The following SHANK2 variants were observed in gnomAD, a reference collection of about 807,000 sequenced individuals.
SHANK2 encodes SH3 and multiple ankyrin repeat domains protein 2.
Under a neutral mutation model 133.7 loss-of-function variants are expected in SHANK2, and 43 were observed. That is an observed-to-expected ratio of 0.32 (90% CI 0.25 to 0.41). SHANK2 has a LOEUF of 0.41. Ranked by LOEUF, SHANK2 falls within the 10% of genes least tolerant of loss-of-function variation. The probability of loss-of-function intolerance (pLI) is 1.00; values close to 1 mark genes in which losing one functional copy is unlikely to be tolerated. For synonymous variants in SHANK2, 1,017 were observed against 952.8 expected (o/e 1.07, Z -1.24); for missense variants, 1,994 against 2,235.8 (o/e 0.89, Z 2.18).
At chr11:70,880,601 A>G (rs1949644695) in intron 11 of SHANK2, among the ~76,000 whole-genome samples, 1 of 152,222 alleles carries the variant, frequency 6.6e-6, no homozygotes, top group Non-Finnish European at 1.5e-5. Flanking sequence ...CCCATGGAAC[A>G]CAGAAGTCAA....
chr11:70,719,743 C>A (rs547210093), intron 14 of SHANK2, among the ~76,000 whole-genome samples: 2 of 151,574 alleles, frequency 1.3e-5, no homozygotes, highest in Non-Finnish European at 2.9e-5. Flanking sequence ...TCCACAACAG[C>A]CCCGCGCTCC....
At chr11:70,484,740 CT>C (rs2058777702) in intron 25 of SHANK2, among the ~76,000 whole-genome samples, 1 of 152,196 alleles carries the variant, frequency 6.6e-6, no homozygotes, top group South Asian at 2.1e-4. Context: ...GCTTCTGCCC[CT>C]GGGACAGGAT....
chr11:70,847,075 C>T lies in SHANK2; in HGVS notation c.1175-26393G>A, dbSNP rs147853686. Reference sequence around the variant, plus strand: ...TCACTTTACAGAGGAGAGGTGGAGGCCCCCATCAAGAGGAGGGGACCTCTG... The same window carrying T: ...TCACTTTACAGAGGAGAGGTGGAGGTCCCCATCAAGAGGAGGGGACCTCTG... On this transcript the variant is annotated intron_variant, in intron 11 of 25. Transcript: ENST00000601538. Among the ~76,000 whole-genome samples, 140 of 152,336 alleles carry T rather than the reference C, an allele frequency of 9.2e-4. 2 individuals are homozygous for T. The highest frequency in any genetic ancestry group is 4.6e-3 in the Admixed American group (71 of 15,312).
At chr11:70,509,983 T>A (rs1243589709) in intron 17 of SHANK2, among the ~76,000 whole-genome samples, 1 of 152,216 alleles carries the variant, frequency 6.6e-6, no homozygotes, top group African/African-American at 2.4e-5. Context: ...ACCATAGCTG[T>A]GCTTACTTAC....
chr11:71,174,123 T>C (rs4304805), intron 2 of SHANK2, among the ~76,000 whole-genome samples: 107,732 of 152,162 alleles, frequency 0.71, 39,152 homozygotes, highest in East Asian at 0.95. Flanking sequence ...GGATGATATG[T>C]ACGCTTCAAG....
At chr11:71,230,386 G>C (rs368525314) in intron 1 of SHANK2, among the ~76,000 whole-genome samples, 1 of 151,946 alleles carries the variant, frequency 6.6e-6, no homozygotes, top group Non-Finnish European at 1.5e-5. Flanking sequence ...TCAAGACCAC[G>C]GTGAAACCCC....
intron 17 of SHANK2, among the ~76,000 whole-genome samples, chr11:70,553,631 G>C (rs1358608701): frequency 1.3e-5 from 2 of 152,190 alleles, no homozygotes; most frequent in African/African-American, 4.8e-5. Flanking sequence ...TCAGGGTCAG[G>C]AGCCTGGCAC....
chr11:70,863,180 G>T, intron 11 of SHANK2: 1 of 370,926 alleles, frequency 2.7e-6, no homozygotes, highest in South Asian at 2.0e-5. Flanking sequence ...GACAGCAGGT[G>T]AGAGAGGTCC....
chr11:71,148,913 A>T (rs1221371527), intron 2 of SHANK2, among the ~76,000 whole-genome samples: 2 of 152,168 alleles, frequency 1.3e-5, no homozygotes, highest in African/African-American at 4.8e-5. Flanking sequence ...GCACAGAAGC[A>T]GTCAACTGGA....
chr11:70,695,178 G>A (rs539400206), intron 15 of SHANK2, among the ~76,000 whole-genome samples: 63 of 152,112 alleles, frequency 4.1e-4, no homozygotes, highest in Non-Finnish European at 7.6e-4. Flanking sequence ...GGGAGTTTGC[G>A]TTAATGCAGA....
At chr11:70,659,156 C>T (rs2061448652) in intron 17 of SHANK2, among the ~76,000 whole-genome samples, 2 of 152,266 alleles carry the variant, frequency 1.3e-5, no homozygotes, top group Admixed American at 6.5e-5. Flanking sequence ...ACGTGCCAAC[C>T]GTAGGGACTG....
chr11:70,599,417 C>T (rs577558073), intron 17 of SHANK2, among the ~76,000 whole-genome samples: 11,875 of 124,082 alleles, frequency 0.096, 756 homozygotes, highest in East Asian at 0.22. Flanking sequence ...ACCATCCTGG[C>T]TAACACGGTG....
intron 10 of SHANK2, among the ~76,000 whole-genome samples, chr11:70,941,762 G>A (rs1950651327): frequency 6.6e-6 from 1 of 152,142 alleles, no homozygotes; most frequent in Non-Finnish European, 1.5e-5. Context: ...AGAACTGTGA[G>A]TGATAAATGT....
chr11:70,599,945 A>AAAAGAAAGAAAGAAAG (rs2060468014), intron 17 of SHANK2, among the ~76,000 whole-genome samples: 2 of 120,434 alleles, frequency 1.7e-5, no homozygotes, highest in African/African-American at 7.3e-5. Context: ...GAAAGAAAGA[A>AAAAGAAAGAAAGAAAG]AGAAAGAAAG....
chr11:70,482,381 G>A (rs2058746662), intron 25 of SHANK2, among the ~76,000 whole-genome samples: 2 of 152,240 alleles, frequency 1.3e-5, no homozygotes, highest in Non-Finnish European at 2.9e-5. Context: ...TCAGAGGCCT[G>A]AGAGCAGCCC....
intron 11 of SHANK2, among the ~76,000 whole-genome samples, chr11:70,871,074 G>A (rs1221560890): frequency 4.6e-5 from 7 of 152,238 alleles, no homozygotes; most frequent in Non-Finnish European, 7.4e-5. Context: ...CACTGCACCC[G>A]GTCCCATTTC....
In SHANK2 at chr11:71,085,765, ATATAT is replaced by A. The variant is rs1367460612; in HGVS notation, c.912+6652_912+6656del. The stretch of plus-strand genomic sequence containing the variant: ...TATATAATATATTATGTTATATAAT[ATATAT>A]TATATTTATATTATATAATATATGA... On this transcript the variant is annotated intron_variant, in intron 8 of 25. Transcript: ENST00000601538. Among the ~76,000 whole-genome samples, 195 of 75,080 alleles carry A rather than the reference ATATAT, an allele frequency of 2.6e-3. 2 individuals carry two copies. Among genetic ancestry groups the A allele is most frequent in the African/African-American group, 0.011 (191 of 17,990 alleles). The allele number at this position is 75,080 out of a possible 152,430, so 49.3% of individuals were successfully genotyped here. A position where few individuals can be genotyped will look rare whatever the true frequency, so the allele number is the denominator to read the frequency against.
chr11:71,191,716 G>A (rs73537499), intron 2 of SHANK2, among the ~76,000 whole-genome samples: 1 of 151,290 alleles, frequency 6.6e-6, no homozygotes, highest in Non-Finnish European at 1.5e-5. Flanking sequence ...GCACCACTAC[G>A]CCTGGCTACT....
chr11:70,762,266 C>A (rs944219104), intron 14 of SHANK2, among the ~76,000 whole-genome samples: 11 of 152,126 alleles, frequency 7.2e-5, no homozygotes, highest in Non-Finnish European at 1.2e-4. Context: ...TATTTTTAAG[C>A]CGAAGGAAAA....
Sources: gnomAD v4.1 joint callset for allele counts (sites outside exome capture counted in the v4.1 genomes callset) on GRCh38, gnomAD v4.1.1 for gene constraint, MANE v1.5 for transcripts, NCBI Gene and HGNC (gene_info 2026-07-23, HGNC 2026-07-21) for gene names.